SYNE3: variants seen among roughly 807,000 people sequenced by gnomAD.
SYNE3 encodes spectrin repeat containing nuclear envelope family member 3, also known as nesprin-3.
A neutral mutation model predicts 111.2 loss-of-function variants in SYNE3; 100 were observed. The observed-to-expected ratio is 0.90, with a 90% CI of 0.77 to 1.06. The LOEUF (loss-of-function observed/expected upper bound fraction) is 1.06. SYNE3 is among the 50% of genes least tolerant of loss of function. SYNE3 has a pLI of 0.00. For synonymous variants in SYNE3, 547 were observed against 533.9 expected (o/e 1.02, Z -0.34); for missense variants, 1,160 against 1,240.3 (o/e 0.94, Z 0.97).
chr14:95,478,404 G>A (rs1889020385), intron 1 of SYNE3, among the ~76,000 whole-genome samples: 1 of 152,192 alleles, frequency 6.6e-6, no homozygotes, highest in Admixed American at 6.5e-5. Flanking sequence ...GGTTGAGAGG[G>A]TCGATGTTAC....
intron 1 of SYNE3, among the ~76,000 whole-genome samples, chr14:95,513,196 T>C (rs531252718): frequency 2.1e-4 from 32 of 152,312 alleles, no homozygotes; most frequent in African/African-American, 7.5e-4. Flanking sequence ...GCACGCGTGG[T>C]AATGCTTGGC....
chr14:95,410,740 C>CG lies in SYNE3; in HGVS notation c.*7085dup, dbSNP rs927610486. The CG allele has an allele frequency of 6.6e-6, 1 of 152,226 alleles. No individual in the cohort carries two copies. Among genetic ancestry groups the CG allele is most frequent in the African/African-American group, 2.4e-5 (1 of 41,442 alleles). 9.4% of individuals were successfully genotyped at this position (152,226 alleles called of 1,614,324 possible). A position where few individuals can be genotyped will look rare whatever the true frequency, so the allele number is the denominator to read the frequency against. On this transcript the variant is annotated 3_prime_UTR_variant, in exon 18 of 18. Coordinates refer to ENST00000682763, the MANE Select transcript of SYNE3 (RefSeq NM_152592.6). ...CTGACTGGTTTAAGCCAAAGTTGGTCGGGGGAGGAGGGATTCTGTTACTCG... is the reference window on the plus strand; with the variant it reads ...CTGACTGGTTTAAGCCAAAGTTGGTCGGGGGGAGGAGGGATTCTGTTACTCG...
At chr14:95,479,111 C>T (rs1889067992) in intron 1 of SYNE3, among the ~76,000 whole-genome samples, 1 of 151,354 alleles carries the variant, frequency 6.6e-6, no homozygotes, top group Non-Finnish European at 1.5e-5. Flanking sequence ...ATTTAAAAAC[C>T]CATCCAGGTG....
At chr14:95,476,566 C>T (rs1888902649) in intron 1 of SYNE3, among the ~76,000 whole-genome samples, 1 of 152,268 alleles carries the variant, frequency 6.6e-6, no homozygotes, top group Non-Finnish European at 1.5e-5. Context: ...CATTTGACTT[C>T]CCCTGGGCTA....
intron 14 of SYNE3, 110 bp downstream of exon 14, chr14:95,438,923 A>T: frequency 6.8e-7 from 1 of 1,475,272 alleles, no homozygotes; most frequent in East Asian, 2.3e-5. Flanking sequence ...CCAAGTCCTC[A>T]GAGCAGAGCA....
At chr14:95,433,238 C>A (rs746417592) in intron 16 of SYNE3, 22 bp downstream of exon 16, 46 of 1,609,586 alleles carry the variant, frequency 2.9e-5, no homozygotes, top group Admixed American at 5.0e-5. Flanking sequence ...GAATCTGGGA[C>A]CTGCACATCC....
intron 1 of SYNE3, among the ~76,000 whole-genome samples, chr14:95,508,319 A>C (rs1437989941): frequency 1.3e-5 from 2 of 152,238 alleles, no homozygotes; most frequent in Non-Finnish European, 2.9e-5. Flanking sequence ...AAGATGAACC[A>C]TGCAGGAATC....
intron 6 of SYNE3, among the ~76,000 whole-genome samples, chr14:95,454,118 G>T (rs1887262039): frequency 6.6e-6 from 1 of 152,264 alleles, no homozygotes; most frequent in Admixed American, 6.5e-5. Flanking sequence ...GTTCCCGTCA[G>T]CAGAGGGATA....
At position 95,449,399 on chromosome 14, in the gene SYNE3, G is replaced by C. The variant is rs1040842065; in HGVS notation, c.1449+532C>G. 40 of 982,624 alleles carry C rather than the reference G, an allele frequency of 4.1e-5. No homozygotes were observed. In the Admixed American group the frequency reaches 2.0e-3, roughly 48 times the overall value. The allele number at this position is 982,624 out of a possible 1,614,324, so 60.9% of individuals were successfully genotyped here. ...CGGAAGTAGAGGTGGAGAGAGCCCT[G>C]TGCATCCGCGGCTCCATCCGGAGCC... On this transcript the variant is annotated intron_variant, in intron 8 of 17. Transcript: ENST00000682763.
intron 4 of SYNE3, among the ~76,000 whole-genome samples, chr14:95,462,033 G>A (rs543961166): frequency 3.0e-4 from 45 of 152,348 alleles, no homozygotes; most frequent in Middle Eastern, 3.4e-3. Flanking sequence ...GGCCAAGGGC[G>A]ATGGAGAAGT....
Position 95,457,188 on chromosome 14 carries a change from A to T in SYNE3, c.778T>A (p.Ser260Thr). 2 of 1,613,312 alleles carry T rather than the reference A, an allele frequency of 1.2e-6. No homozygotes were observed. Among genetic ancestry groups the T allele is most frequent in the Non-Finnish European group, 1.7e-6 (2 of 1,179,822 alleles). ...CAGCTGGGGATTACCTGCAGTGTGG[A>T]GAGGCGCTGCGTGATGGGCAGCTTG... ...NCKLPITQRLSTLQDIAKDFP... is the reference protein window; with the variant it reads ...NCKLPITQRLTTLQDIAKDFP... Residue 260 changes from serine (S) to threonine (T), a missense_variant, in exon 5 of 18, where the codon TCC (serine) becomes ACC (threonine). Transcript: ENST00000682763.
chr14:95,455,574 C>G lies in SYNE3; in HGVS notation c.940G>C (p.Ala314Pro). The G allele has an allele frequency of 6.2e-7, 1 of 1,614,164 alleles. No homozygotes were observed. ...CGCTCCTCCTCCTCCTCCCAGAGGG[C>G]GCGCAGCTTCTCCAGAACTTTCCTC... The part of the protein sequence containing the change: ...EMRKVLEKLR[A>P]LWEEEEERLR... The change falls in exon 6 of 18, where the codon GCC (alanine) becomes CCC (proline). Residue 314 changes from alanine to proline, a missense_variant. Ala to Pro is a conservative substitution (Grantham distance 27, BLOSUM62 -1). Transcript: ENST00000682763.
chr14:95,482,586 G>T (rs1889324990), intron 1 of SYNE3, among the ~76,000 whole-genome samples: 1 of 152,140 alleles, frequency 6.6e-6, no homozygotes, highest in Admixed American at 6.5e-5. Flanking sequence ...CCCGAGCAAA[G>T]AAAGCGGCAA....
At chr14:95,514,339 C>G (rs963179490) in intron 1 of SYNE3, among the ~76,000 whole-genome samples, 1 of 152,168 alleles carries the variant, frequency 6.6e-6, no homozygotes, top group African/African-American at 2.4e-5. Context: ...CAAGAGCCTC[C>G]TGCCCTCCCT....
In SYNE3 at chr14:95,407,346, G is replaced by A. The variant is rs911236814; in HGVS notation, c.*10480C>T. 2 of 152,024 alleles carry A rather than the reference G, an allele frequency of 1.3e-5. No homozygotes were observed. The highest frequency in any genetic ancestry group is 1.9e-4 in the East Asian group (1 of 5,198). 9.4% of individuals were successfully genotyped at this position (152,024 alleles called of 1,614,324 possible). A position where few individuals can be genotyped will look rare whatever the true frequency, so the allele number is the denominator to read the frequency against. On this transcript the variant is annotated 3_prime_UTR_variant, in exon 18 of 18. Transcript: ENST00000682763. ...AAAAACATAAAACAACAGCAAAAAC[G>A]TCAAACCATCTTTTAGAACACTGCT...
rs1301450943 is a variant in SYNE3, at chr14:95,470,664, A to G, written c.145-2697T>C. On this transcript the variant is annotated intron_variant, in intron 2 of 17. Transcript: ENST00000682763. This position sits in a 1 kb window ranked among gnomAD's most constrained non-coding sequence, Gnocchi z 4.2. ...AGAACCTGTCACTAAAAAACTAAAA[A>G]TAAGAAAAAAAAGAGCCGGATGTGG... 1.3e-5 allele frequency among the ~76,000 whole-genome samples: 1 copy of G among 77,374 alleles called. No individual in the cohort carries two copies. Among genetic ancestry groups the G allele is most frequent in the Non-Finnish European group, 2.6e-5 (1 of 39,104 alleles). 50.8% of individuals were successfully genotyped at this position (77,374 alleles called of 152,430 possible).
chr14:95,488,123 T>A (rs539947003), intron 1 of SYNE3, among the ~76,000 whole-genome samples: 17 of 152,338 alleles, frequency 1.1e-4, no homozygotes, highest in Non-Finnish European at 2.4e-4. Context: ...ATTAATCAAC[T>A]TTATGTTATC....
intron 1 of SYNE3, among the ~76,000 whole-genome samples, chr14:95,490,996 G>A (rs1296832886): frequency 6.6e-6 from 1 of 152,232 alleles, no homozygotes; most frequent in Non-Finnish European, 1.5e-5. Flanking sequence ...AGCTGGCACA[G>A]AGGAGGAGGG....
chr14:95,425,425 G>A (rs894168332), intron 17 of SYNE3, among the ~76,000 whole-genome samples: 1 of 152,178 alleles, frequency 6.6e-6, no homozygotes, highest in African/African-American at 2.4e-5. Flanking sequence ...AAGATGTGTG[G>A]TTGCCAGGGC....
Sources: allele counts gnomAD v4.1 joint callset (sites outside exome capture counted in the v4.1 genomes callset), GRCh38; gene constraint gnomAD v4.1.1; non-coding constraint Gnocchi (gnomAD v3.1); transcripts MANE v1.5; gene names NCBI Gene and HGNC (gene_info 2026-07-23, HGNC 2026-07-21).